SECISBP2L: variants seen among roughly 807,000 people sequenced by gnomAD.
The protein encoded by SECISBP2L is selenocysteine insertion sequence-binding protein 2-like.
SECISBP2L carries 43 observed loss-of-function variants against 114.7 expected under a neutral mutation model. The ratio of observed to expected loss-of-function variants is 0.38; its 90% confidence interval spans 0.29 to 0.48. The LOEUF is 0.48. Among genes scored for constraint, SECISBP2L ranks in the 20% least tolerant of loss-of-function variants. The probability of loss-of-function intolerance (pLI) is 0.98; values close to 1 mark genes in which losing one functional copy is unlikely to be tolerated. For synonymous variants in SECISBP2L, 451 were observed against 439.7 expected (o/e 1.03, Z -0.32); for missense variants, 1,136 against 1,301.1 (o/e 0.87, Z 1.95).
intron 13 of SECISBP2L, among the ~76,000 whole-genome samples, chr15:49,010,196 T>C (rs1047583244): frequency 1.3e-4 from 20 of 149,990 alleles, no homozygotes; most frequent in African/African-American, 4.2e-4. Flanking sequence ...CATTTCTAGT[T>C]TTCCATCTAT....
rs66527715 is a variant in SECISBP2L, at chr15:49,040,527, CTTTTTTTTTTTTT to C, written c.25-2771_25-2759del. Among the ~76,000 whole-genome samples, 10 of 63,186 alleles carry C rather than the reference CTTTTTTTTTTTTT, an allele frequency of 1.6e-4. 1 individual carries two copies. Among genetic ancestry groups the C allele is most frequent in the Admixed American group, 5.2e-4 (2 of 3,816 alleles). 41.5% of individuals were successfully genotyped at this position (63,186 alleles called of 152,430 possible). On this transcript the variant is annotated intron_variant, in intron 1 of 17. Transcript: ENST00000559471. ...AGGAGTGTTATGATCCCAAACTATT[CTTTTTTTTTTTTT>C]TTTTTTTTTTTTTGAGACGGAGTCT...
rs1001262272 is a variant in SECISBP2L, at chr15:49,011,749, C to G, written c.1846G>C (p.Glu616Gln). The G allele has an allele frequency of 8.1e-6, 13 of 1,613,892 alleles. No homozygotes were observed. Among genetic ancestry groups the G allele is most frequent in the Non-Finnish European group, 1.1e-5 (13 of 1,179,940 alleles). ...TCCTTACCTTCCTGGGAAACAATCTCCTGTGGCAAGTCATCAATAAAATCT... is the reference window on the plus strand; with the variant it reads ...TCCTTACCTTCCTGGGAAACAATCTGCTGTGGCAAGTCATCAATAAAATCT... The part of the protein sequence containing the change: ...HLDFIDDLPQ[E>Q]IVSQEDTGLS... The change falls in exon 13 of 18, where the codon GAG becomes CAG. Residue 616 changes from glutamate to glutamine, a missense_variant. Around this residue, in one of 2 missense-constraint regions of SECISBP2L, gnomAD observed 684 missense variants for 848.7 expected, o/e 0.81. Transcript: ENST00000559471.
chr15:49,029,001 G>C lies in SECISBP2L; in HGVS notation c.665-319C>G, dbSNP rs116851315. ...AGCCTCCCAAGTAGCCGGGACTACA[G>C]GCACGCACCACCACCACACCAGGGT... On this transcript the variant is annotated intron_variant, in intron 4 of 17. Coordinates refer to ENST00000559471, the MANE Select transcript of SECISBP2L (RefSeq NM_001193489.2). 5.7e-3 allele frequency among the ~76,000 whole-genome samples: 869 copies of C among 152,112 alleles called. 2 individuals are homozygous for C. Among genetic ancestry groups the C allele is most frequent in the Non-Finnish European group, 7.8e-3 (531 of 67,974 alleles).
At chr15:49,040,769 A>T (rs1903112317) in intron 1 of SECISBP2L, among the ~76,000 whole-genome samples, 1 of 150,826 alleles carries the variant, frequency 6.6e-6, no homozygotes, top group South Asian at 2.1e-4. Flanking sequence ...CGATCTCCTG[A>T]CCTCGTGATC....
At chr15:49,032,361 T>C (rs1902907856) in intron 4 of SECISBP2L, among the ~76,000 whole-genome samples, 1 of 152,178 alleles carries the variant, frequency 6.6e-6, no homozygotes. Context: ...AAATATAAAC[T>C]GTAAAAAATA....
rs544008091 is a variant in SECISBP2L, at chr15:49,029,555, G to A, written c.665-873C>T. Among the ~76,000 whole-genome samples the A allele has an allele frequency of 1.2e-3, 179 of 152,264 alleles. 1 individual carries two copies. The highest frequency in any genetic ancestry group is 4.2e-3 in the African/African-American group (175 of 41,538). Reference sequence around the variant, plus strand: ...CAGTGTACTTATCCTTTGTACCACTGATGAGACACCTGAGTTGTTTTGGAG... The same window carrying A: ...CAGTGTACTTATCCTTTGTACCACTAATGAGACACCTGAGTTGTTTTGGAG... On this transcript the variant is annotated intron_variant, in intron 4 of 17. Transcript: ENST00000559471.
At chr15:49,009,476 G>T in intron 13 of SECISBP2L, 98 bp from the exon 14 acceptor site, 1 of 1,245,826 alleles carries the variant, frequency 8.0e-7, no homozygotes, top group Non-Finnish European at 1.1e-6. Context: ...TTGTCTTTTG[G>T]GTCATTTCCA....
intron 16 of SECISBP2L, among the ~76,000 whole-genome samples, chr15:48,997,679 G>C (rs142306006): frequency 0.022 from 3,361 of 152,268 alleles, 63 homozygotes; most frequent in Non-Finnish European, 0.032. Context: ...AGACCAGCGT[G>C]ACCAACATGG....
At chr15:49,008,088 C>T (rs1902359689) in intron 14 of SECISBP2L, among the ~76,000 whole-genome samples, 2 of 152,162 alleles carry the variant, frequency 1.3e-5, no homozygotes, top group African/African-American at 4.8e-5. Context: ...CTCTTTCCAT[C>T]TTTTCTAGTA....
Position 49,015,249 on chromosome 15 carries a change from C to T in SECISBP2L, c.1561+1311G>A, listed in dbSNP as rs532874832. 4.6e-5 allele frequency among the ~76,000 whole-genome samples: 7 copies of T among 152,248 alleles called. No homozygotes were observed. In the South Asian group the frequency reaches 1.5e-3, roughly 32 times the overall value. The stretch of plus-strand genomic sequence containing the variant: ...CTACTAGGGCATACCGCCTCCAGAA[C>T]ACTGCTAACTCTCAGTTTTATTCCC... On this transcript the variant is annotated intron_variant, in intron 11 of 17. Coordinates refer to ENST00000559471, the MANE Select transcript of SECISBP2L (RefSeq NM_001193489.2).
Position 49,027,416 on chromosome 15 carries a change from A to AT in SECISBP2L, c.983dup (p.Asn328LysfsTer6). 1.2e-6 allele frequency: 2 copies of AT among 1,610,514 alleles called. No homozygotes were observed. Among genetic ancestry groups the AT allele is most frequent in the Non-Finnish European group, 1.7e-6 (2 of 1,177,770 alleles). ...GCCTTCCACCTCTAGAAAATGTCTGATTTTTTTCCATCCAAGGTTTTTTCT... is the reference window on the plus strand; with the variant it reads ...GCCTTCCACCTCTAGAAAATGTCTGATTTTTTTTCCATCCAAGGTTTTTTCT... On this transcript the variant is annotated frameshift_variant, in exon 7 of 18. Transcript: ENST00000559471. LOFTEE classifies it high-confidence loss of function.
At position 49,000,917 on chromosome 15, in the gene SECISBP2L, A is replaced by G; in HGVS notation, c.2208T>C (p.Cys736=). The change falls in exon 15 of 18, where the codon TGT becomes TGC. Residue 736 remains cysteine (C), a synonymous_variant. Transcript: ENST00000559471. ...TTTCACAGTTTGGAGAAATTATAAC[A>G]CACTTGATCTTGTTTAACTTCATAT... The part of the protein sequence containing the change: ...TKHMKLNKIK[C]VIISPNCEKI... 1.2e-6 allele frequency: 2 copies of G among 1,613,346 alleles called. No individual in the cohort carries two copies. Among genetic ancestry groups the G allele is most frequent in the Non-Finnish European group, 8.5e-7 (1 of 1,179,750 alleles).
Position 49,028,129 on chromosome 15 carries a change from G to T in SECISBP2L, c.919+15C>A. On this transcript the variant is annotated intron_variant, in intron 6 of 17. Coordinates refer to ENST00000559471, the MANE Select transcript of SECISBP2L (RefSeq NM_001193489.2). Reference sequence around the variant, plus strand: ...GTAGAAAGTATAGCAAAAACACAATGCAGAAAACAAGTACCTGCACACATA... The same window carrying T: ...GTAGAAAGTATAGCAAAAACACAATTCAGAAAACAAGTACCTGCACACATA... 1 of 1,574,478 alleles carries T rather than the reference G, an allele frequency of 6.4e-7. No homozygotes were observed. Among genetic ancestry groups the T allele is most frequent in the Admixed American group, 1.9e-5 (1 of 53,502 alleles).
rs764354379 is a variant in SECISBP2L, at chr15:48,992,748, A to G, written c.2802T>C (p.Ser934=). ...VATGSTTSAT[S]AGKSTASDKE... ...TATCACTTGCTGTGGATTTCCCAGC[A>G]CTTGTAGCTGAGGTAGTACTGCCTG... Residue 934 remains serine (S), a synonymous_variant, in exon 18 of 18, where the codon AGT becomes AGC. Transcript: ENST00000559471. 5 of 1,614,194 alleles carry G rather than the reference A, an allele frequency of 3.1e-6. No homozygotes were observed. Among genetic ancestry groups the G allele is most frequent in the Non-Finnish European group, 4.2e-6 (5 of 1,180,046 alleles).
At position 49,017,032 on chromosome 15, in the gene SECISBP2L, A is replaced by C. The variant is rs1239566437; in HGVS notation, c.1252-17T>G. ...ATCATCCAACTATGATAACCAGAAAAAACACATTTGTTAGTGATCCCATAA... is the reference window on the plus strand; with the variant it reads ...ATCATCCAACTATGATAACCAGAAACAACACATTTGTTAGTGATCCCATAA... On this transcript the variant is annotated splice_polypyrimidine_tract_variant and intron_variant, in intron 9 of 17. Coordinates refer to ENST00000559471, the MANE Select transcript of SECISBP2L (RefSeq NM_001193489.2). 6.2e-7 allele frequency: 1 copy of C among 1,606,802 alleles called. No homozygotes were observed. Among genetic ancestry groups the C allele is most frequent in the East Asian group, 2.2e-5 (1 of 44,760 alleles).
intron 7 of SECISBP2L, 103 bp from the exon 8 acceptor site, chr15:49,019,655 T>A: frequency 1.0e-6 from 1 of 966,074 alleles, no homozygotes; most frequent in Non-Finnish European, 1.3e-6. Flanking sequence ...AGTGTACAAC[T>A]CAATAAATTT....
intron 7 of SECISBP2L, among the ~76,000 whole-genome samples, chr15:49,020,664 C>T (rs935256020): frequency 1.3e-5 from 2 of 152,074 alleles, no homozygotes; most frequent in Non-Finnish European, 2.9e-5. Context: ...TGCACCACCA[C>T]ACCCAGCTAA....
chr15:49,011,906 A>C (rs768867453), intron 12 of SECISBP2L, 43 bp from the exon 13 acceptor site: 2 of 1,593,804 alleles, frequency 1.3e-6, no homozygotes, highest in South Asian at 2.2e-5. Flanking sequence ...ATTACTCTTC[A>C]ACTGTGTACA....
Position 48,999,778 on chromosome 15 carries a change from G to A in SECISBP2L, c.2403+55C>T, listed in dbSNP as rs1280662606. On this transcript the variant is annotated intron_variant, in intron 16 of 17. Transcript: ENST00000559471. The stretch of plus-strand genomic sequence containing the variant: ...CACTGGCATATGTCAATCGAAAAAT[G>A]TGCTATCTGGGGGATGTGCTGGAGA... 1.1e-5 allele frequency: 18 copies of A among 1,572,476 alleles called. No homozygotes were observed. In the African/African-American group the frequency reaches 1.5e-4, roughly 13 times the overall value.
Sources: allele counts gnomAD v4.1 joint callset (sites outside exome capture counted in the v4.1 genomes callset), GRCh38; gene constraint gnomAD v4.1.1; regional missense constraint gnomAD v4.1.1; transcripts MANE v1.5; gene names NCBI Gene and HGNC (gene_info 2026-07-23, HGNC 2026-07-21).